TRAPPC9: variants seen among roughly 807,000 people sequenced by gnomAD.
TRAPPC9 encodes the protein trafficking protein particle complex subunit 9.
In TRAPPC9, 83 loss-of-function variants were observed where a neutral mutation model predicts 124.0. The observed-to-expected ratio is 0.67, with a 90% CI of 0.56 to 0.80. TRAPPC9 has a LOEUF of 0.80. TRAPPC9 is among the 30% of genes least tolerant of loss of function. The probability of loss-of-function intolerance (pLI) is 0.00; values close to 1 mark genes in which losing one functional copy is unlikely to be tolerated. For synonymous variants in TRAPPC9, 638 were observed against 617.5 expected (o/e 1.03, Z -0.49); for missense variants, 1,302 against 1,508.3 (o/e 0.86, Z 2.27).
In TRAPPC9 at chr8:139,728,219, C is replaced by T. The variant is rs1817648986; in HGVS notation, c.*2842G>A. Among the ~76,000 whole-genome samples the T allele has an allele frequency of 6.6e-6, 1 of 152,150 alleles. No individual in the cohort carries two copies. The highest frequency in any genetic ancestry group is 1.5e-5 in the Non-Finnish European group (1 of 68,046). ...CATCTTCCTTTGAATCCTTGCCTTC[C>T]TTGTGAATTTCAGATGACGGAGCAT... is the stretch of plus-strand genomic sequence containing the variant. On this transcript the variant is annotated 3_prime_UTR_variant, in exon 23 of 23. Coordinates refer to ENST00000438773, the MANE Select transcript of TRAPPC9 (RefSeq NM_001160372.4).
rs113795587 is a variant in TRAPPC9, at chr8:140,229,269, T to C, written c.2432-7686A>G. 1.0e-3 allele frequency among the ~76,000 whole-genome samples: 141 copies of C among 138,730 alleles called. 1 individual carries two copies. The highest frequency in any genetic ancestry group is 1.4e-3 in the South Asian group (6 of 4,194). The allele number at this position is 138,730 out of a possible 152,430, so 91.0% of individuals were successfully genotyped here. A position where few individuals can be genotyped will look rare whatever the true frequency, so the allele number is the denominator to read the frequency against. ...TCTTTTTCTTTTTTTTTTTTTTTTTTTTTTTTTTTTTTTGAGACACAATCT... is the reference window on the plus strand; with the variant it reads ...TCTTTTTCTTTTTTTTTTTTTTTTTCTTTTTTTTTTTTTGAGACACAATCT... On this transcript the variant is annotated intron_variant, in intron 16 of 22. Coordinates refer to ENST00000438773, the MANE Select transcript of TRAPPC9 (RefSeq NM_001160372.4).
intron 9 of TRAPPC9, among the ~76,000 whole-genome samples, chr8:140,332,529 G>A (rs2066920892): frequency 6.6e-6 from 1 of 151,946 alleles, no homozygotes; most frequent in African/African-American, 2.4e-5. Context: ...AAAGTACCCT[G>A]AATTGATCAT....
At chr8:139,787,059 T>TA (rs1190096863) in intron 21 of TRAPPC9, among the ~76,000 whole-genome samples, 1 of 152,128 alleles carries the variant, frequency 6.6e-6, no homozygotes, top group Non-Finnish European at 1.5e-5. Flanking sequence ...ACAAAGCTGT[T>TA]AAAAAAATTC....
intron 12 of TRAPPC9, 34 bp from the exon 13 acceptor site, chr8:140,287,768 G>A: frequency 2.5e-6 from 4 of 1,613,636 alleles, no homozygotes; most frequent in Non-Finnish European, 2.5e-6. Context: ...TAAGCCCGGA[G>A]CAAACCTACT....
intron 21 of TRAPPC9, among the ~76,000 whole-genome samples, chr8:139,849,411 T>C (rs1433482974): frequency 6.6e-6 from 1 of 152,246 alleles, no homozygotes; most frequent in Non-Finnish European, 1.5e-5. Flanking sequence ...GTGTGCCAGA[T>C]ACCAGAACAG....
intron 16 of TRAPPC9, among the ~76,000 whole-genome samples, chr8:140,233,764 A>AC (rs889000335): frequency 2.0e-5 from 3 of 151,500 alleles, no homozygotes; most frequent in South Asian, 2.1e-4. Context: ...AAAAAAAAAA[A>AC]AAAAACCTTT....
At chr8:140,337,158 C>T (rs1305181793) in intron 9 of TRAPPC9, among the ~76,000 whole-genome samples, 3 of 152,160 alleles carry the variant, frequency 2.0e-5, no homozygotes, top group African/African-American at 7.2e-5. Context: ...AGCTCGCACA[C>T]GCAGCCGCGG....
chr8:140,037,116 A>G (rs1840946396), intron 17 of TRAPPC9, among the ~76,000 whole-genome samples: 1 of 152,140 alleles, frequency 6.6e-6, no homozygotes, highest in Non-Finnish European at 1.5e-5. Context: ...TACAAAATGC[A>G]TCTTAAGCAG....
chr8:139,945,049 A>G (rs539804185), intron 19 of TRAPPC9, among the ~76,000 whole-genome samples: 3 of 152,328 alleles, frequency 2.0e-5, no homozygotes, highest in Non-Finnish European at 2.9e-5. Context: ...ACTTGCACTC[A>G]GGAAGCGGAG....
In TRAPPC9 at chr8:140,144,418, A is replaced by C. The variant is rs192950422; in HGVS notation, c.2556+77041T>G. Among the ~76,000 whole-genome samples the C allele has an allele frequency of 2.9e-3, 436 of 152,312 alleles. 7 individuals carry two copies. The highest frequency in any genetic ancestry group is 2.5e-3 in the Admixed American group (38 of 15,300). On this transcript the variant is annotated intron_variant, in intron 17 of 22. Coordinates refer to ENST00000438773, the MANE Select transcript of TRAPPC9 (RefSeq NM_001160372.4). ...TTGTACACGTCATGAGGTTCTTTTC[A>C]AGGTACCTCAGGGTACTGTTGGCTA... is the stretch of plus-strand genomic sequence containing the variant.
intron 5 of TRAPPC9, among the ~76,000 whole-genome samples, chr8:140,416,911 G>A (rs953222090): frequency 1.3e-5 from 2 of 152,086 alleles, no homozygotes; most frequent in East Asian, 1.9e-4. Context: ...CAGAAATAAC[G>A]CCACACATCT....
intron 21 of TRAPPC9, among the ~76,000 whole-genome samples, chr8:139,764,421 A>T (rs1174396187): frequency 1.3e-5 from 2 of 152,202 alleles, no homozygotes; most frequent in Admixed American, 1.3e-4. Flanking sequence ...CAGGGCTGCA[A>T]AGCTGTGTCC....
chr8:139,883,793 C>T (rs1454292995), intron 21 of TRAPPC9, among the ~76,000 whole-genome samples: 2 of 152,230 alleles, frequency 1.3e-5, no homozygotes, highest in African/African-American at 4.8e-5. Context: ...TGGTAGAGGC[C>T]TGGTGGCCTG....
intron 17 of TRAPPC9, among the ~76,000 whole-genome samples, chr8:140,076,624 C>T (rs1049286618): frequency 2.0e-5 from 3 of 152,154 alleles, no homozygotes; most frequent in Admixed American, 2.0e-4. Flanking sequence ...TGACAACACC[C>T]GATTCCTAGG....
chr8:139,978,794 G>C (rs372112281), intron 19 of TRAPPC9, among the ~76,000 whole-genome samples: 5 of 152,242 alleles, frequency 3.3e-5, no homozygotes, highest in African/African-American at 1.2e-4. Flanking sequence ...GGTGTGGCTG[G>C]GATTCTCACT....
intron 14 of TRAPPC9, among the ~76,000 whole-genome samples, chr8:140,283,098 C>T (rs1379853724): frequency 1.3e-5 from 2 of 151,432 alleles, no homozygotes; most frequent in African/African-American, 2.4e-5. Context: ...ATTGGCCAGG[C>T]GTAGTGGTAC....
chr8:140,448,775 A>G (rs1339784378), intron 2 of TRAPPC9, among the ~76,000 whole-genome samples: 1 of 152,200 alleles, frequency 6.6e-6, no homozygotes, highest in Non-Finnish European at 1.5e-5. Context: ...TGCGCTATTC[A>G]CGAGGCACAG....
chr8:140,251,385 G>A (rs1320430796), intron 16 of TRAPPC9, among the ~76,000 whole-genome samples: 2 of 152,202 alleles, frequency 1.3e-5, no homozygotes, highest in African/African-American at 2.4e-5. Flanking sequence ...AAAAAAATCC[G>A]TGTCATCAGA....
At chr8:140,332,088 G>A (rs2066907942) in intron 9 of TRAPPC9, among the ~76,000 whole-genome samples, 1 of 152,180 alleles carries the variant, frequency 6.6e-6, no homozygotes, top group Non-Finnish European at 1.5e-5. Flanking sequence ...ACCATCAATA[G>A]AGGACTAGAT....
Sources: gnomAD v4.1 joint callset for allele counts (sites outside exome capture counted in the v4.1 genomes callset) on GRCh38, gnomAD v4.1.1 for gene constraint, MANE v1.5 for transcripts, NCBI Gene and HGNC (gene_info 2026-07-23, HGNC 2026-07-21) for gene names.